Variants in ADIPOR2 observed in about 807,000 individuals in gnomAD.
The protein encoded by ADIPOR2 is adiponectin receptor 2.
Under a neutral mutation model 40.9 loss-of-function variants are expected in ADIPOR2, and 18 were observed. The observed-to-expected ratio is 0.44, with a 90% CI of 0.30 to 0.65. The LOEUF (loss-of-function observed/expected upper bound fraction) is 0.65. Ranked by LOEUF, ADIPOR2 falls within the 30% of genes least tolerant of loss-of-function variation. ADIPOR2 has a pLI of 0.09. For missense variants in ADIPOR2, 283 were observed against 479.2 expected, an observed-to-expected ratio of 0.59 and a Z score of 3.82; for synonymous variants, 165 against 166.4, an observed-to-expected ratio of 0.99 and a Z score of 0.06.
At chr12:1,702,821 C>T (rs983831317) in intron 1 of ADIPOR2, 1 of 152,016 alleles carries the variant, frequency 6.6e-6, no homozygotes, top group African/African-American at 2.4e-5. Flanking sequence ...ATTTAAGAAA[C>T]CTGGGGTGAT....
At chr12:1,746,246 G>A (rs777129144) in intron 1 of ADIPOR2, among the ~76,000 whole-genome samples, 34 of 152,178 alleles carry the variant, frequency 2.2e-4, no homozygotes, top group Admixed American at 1.4e-3. Flanking sequence ...GAGGCTGGGT[G>A]TGGTGGCTCA....
intron 1 of ADIPOR2, among the ~76,000 whole-genome samples, chr12:1,702,425 A>G (rs1179473910): frequency 1.3e-5 from 2 of 152,148 alleles, no homozygotes; most frequent in African/African-American, 4.8e-5. Flanking sequence ...CTAGAGTATG[A>G]GAATTTGCCA....
chr12:1,785,882 C>A, intron 7 of ADIPOR2, 62 bp from the exon 8 acceptor site: 2 of 1,586,444 alleles, frequency 1.3e-6, no homozygotes, highest in African/African-American at 2.7e-5. Context: ...TCCTAAGAAT[C>A]TTTAGCAGTC....
intron 2 of ADIPOR2, among the ~76,000 whole-genome samples, chr12:1,759,818 A>AGTTTGAGACCAGCGTGTCCAT (rs1416961626): frequency 8.5e-4 from 129 of 152,252 alleles, no homozygotes; most frequent in Middle Eastern, 3.4e-3. Context: ...TGAGGTCAGG[A>AGTTTGAGACCAGCGTGTCCAT]GTTTGAGACC....
At chr12:1,740,027 G>C (rs1262143651) in intron 1 of ADIPOR2, among the ~76,000 whole-genome samples, 9 of 152,052 alleles carry the variant, frequency 5.9e-5, no homozygotes, top group Admixed American at 5.9e-4. Flanking sequence ...GCTTGAACCC[G>C]GGAGGCAGAG....
chr12:1,783,080 G>A (rs1862755780), intron 6 of ADIPOR2, among the ~76,000 whole-genome samples: 1 of 145,592 alleles, frequency 6.9e-6, no homozygotes, highest in African/African-American at 2.6e-5. Flanking sequence ...TGATCTGCCT[G>A]CCTCGGCCTC....
chr12:1,710,747 A>G (rs2094674982), intron 1 of ADIPOR2, among the ~76,000 whole-genome samples: 1 of 152,070 alleles, frequency 6.6e-6, no homozygotes, highest in Non-Finnish European at 1.5e-5. Flanking sequence ...TTGACCCTGT[A>G]GCCATGAGGG....
At chr12:1,765,482 A>G (rs560514857) in intron 2 of ADIPOR2, among the ~76,000 whole-genome samples, 8 of 152,326 alleles carry the variant, frequency 5.3e-5, no homozygotes, top group South Asian at 4.1e-4. Context: ...TACTCATTTC[A>G]GAAAATTGTT....
At chr12:1,747,071 AAAAAC>A (rs908829415) in intron 1 of ADIPOR2, among the ~76,000 whole-genome samples, 8 of 146,708 alleles carry the variant, frequency 5.5e-5, no homozygotes, top group South Asian at 4.6e-4. Context: ...AAAAAATAAA[AAAAAC>A]AAAACAAAAC....
rs1862775631 is a variant in ADIPOR2 at position 1,783,869 on chromosome 12, G to T, written c.839-11G>T. 6 of 1,566,718 alleles carry T rather than the reference G, an allele frequency of 3.8e-6. No homozygotes were observed. Among genetic ancestry groups the T allele is most frequent in the Non-Finnish European group, 5.2e-6 (6 of 1,153,498 alleles). Reference sequence around the variant, plus strand: ...TTCTGCATTACTTTACTCTCTTCTTGTGACTCCTAGGAGTGTTTTTGGGCC... The same window carrying T: ...TTCTGCATTACTTTACTCTCTTCTTTTGACTCCTAGGAGTGTTTTTGGGCC... On this transcript the variant is annotated splice_polypyrimidine_tract_variant and intron_variant, in intron 6 of 7. Transcript: ENST00000357103.
chr12:1,750,712 T>C (rs1475446099), intron 1 of ADIPOR2, among the ~76,000 whole-genome samples: 1 of 152,224 alleles, frequency 6.6e-6, no homozygotes, highest in Non-Finnish European at 1.5e-5. Flanking sequence ...TCTATTGTGA[T>C]GTATTCTTAT....
At chr12:1,705,442 A>G (rs1021629268) in intron 1 of ADIPOR2, among the ~76,000 whole-genome samples, 2 of 152,210 alleles carry the variant, frequency 1.3e-5, no homozygotes, top group African/African-American at 4.8e-5. Context: ...CGACGCCACA[A>G]GTGGAAAATT....
At chr12:1,762,582 C>T (rs1862292588) in intron 2 of ADIPOR2, among the ~76,000 whole-genome samples, 1 of 152,168 alleles carries the variant, frequency 6.6e-6, no homozygotes, top group African/African-American at 2.4e-5. Flanking sequence ...TATTTAGATG[C>T]TTAGGGAAGC....
intron 1 of ADIPOR2, among the ~76,000 whole-genome samples, chr12:1,736,604 C>T (rs2094731322): frequency 6.6e-6 from 1 of 152,130 alleles, no homozygotes; most frequent in Admixed American, 6.5e-5. Flanking sequence ...TTTTGTGTCT[C>T]TATCCCCTTC....
At chr12:1,758,778 A>G (rs568787879) in intron 2 of ADIPOR2, among the ~76,000 whole-genome samples, 1 of 152,358 alleles carries the variant, frequency 6.6e-6, no homozygotes, top group East Asian at 1.9e-4. Flanking sequence ...AAGTTGAAAC[A>G]TCTGAACTGT....
intron 2 of ADIPOR2, among the ~76,000 whole-genome samples, chr12:1,759,241 C>T (rs761298697): frequency 5.9e-5 from 9 of 152,118 alleles, no homozygotes; most frequent in Non-Finnish European, 1.0e-4. Flanking sequence ...GCAAATAGAA[C>T]GAATATATCA....
At chr12:1,731,622 T>G (rs1453666094) in intron 1 of ADIPOR2, among the ~76,000 whole-genome samples, 1 of 152,360 alleles carries the variant, frequency 6.6e-6, no homozygotes, top group Middle Eastern at 3.4e-3. Flanking sequence ...TTTTTGTGTC[T>G]GGTTTATTTC....
intron 1 of ADIPOR2, among the ~76,000 whole-genome samples, chr12:1,732,774 A>G (rs2094723023): frequency 6.6e-6 from 1 of 152,236 alleles, no homozygotes; most frequent in African/African-American, 2.4e-5. Context: ...TTAAGATAAC[A>G]TAAACAATCT....
chr12:1,757,479 A>G, intron 2 of ADIPOR2: 1 of 734,376 alleles, frequency 1.4e-6, no homozygotes, highest in Middle Eastern at 2.4e-4. Flanking sequence ...TACAGTCACC[A>G]TGCATAGGTT....
Sources: allele counts gnomAD v4.1 joint callset (sites outside exome capture counted in the v4.1 genomes callset), GRCh38; gene constraint gnomAD v4.1.1; transcripts MANE v1.5; gene names NCBI Gene and HGNC (gene_info 2026-07-23, HGNC 2026-07-21).